Variants in FAT3 observed in about 807,000 individuals in gnomAD.
FAT3 encodes the protein protocadherin Fat 3.
FAT3 carries 95 observed loss-of-function variants against 310.2 expected under a neutral mutation model. The ratio of observed to expected loss-of-function variants is 0.31; its 90% CI spans 0.26 to 0.36. FAT3 has a LOEUF of 0.36. FAT3 is among the 10% of genes least tolerant of loss of function. The pLI is 1.00. For missense variants in FAT3, 5,408 were observed against 5,715.6 expected, an observed-to-expected ratio of 0.95 and a Z score of 1.74; for synonymous variants, 2,314 against 2,192.9, an observed-to-expected ratio of 1.06 and a Z score of -1.54.
At chr11:92,304,076 C>T (rs1346501128) in intron 1 of FAT3, among the ~76,000 whole-genome samples, 1 of 152,096 alleles carries the variant, frequency 6.6e-6, no homozygotes, top group South Asian at 2.1e-4. Context: ...TACTGTGTAA[C>T]CTTTCCATTA....
chr11:92,714,366 G>T (rs1421245996), intron 4 of FAT3, among the ~76,000 whole-genome samples: 1 of 152,104 alleles, frequency 6.6e-6, no homozygotes, highest in Admixed American at 6.5e-5. Context: ...TTGGAGCAAA[G>T]CCATTAGGTT....
intron 2 of FAT3, among the ~76,000 whole-genome samples, chr11:92,520,497 TA>T (rs1440558374): frequency 6.6e-6 from 1 of 152,048 alleles, no homozygotes; most frequent in Non-Finnish European, 1.5e-5. Flanking sequence ...CCTCAATTTT[TA>T]AAAAAAGTAA....
intron 2 of FAT3, among the ~76,000 whole-genome samples, chr11:92,411,337 A>G (rs1950263687): frequency 6.6e-6 from 1 of 151,716 alleles, no homozygotes; most frequent in South Asian, 2.1e-4. Context: ...AAAATCTAGT[A>G]GGGAATTATG....
At chr11:92,876,605 C>G (rs931603310) in intron 22 of FAT3, among the ~76,000 whole-genome samples, 1 of 152,102 alleles carries the variant, frequency 6.6e-6, no homozygotes, top group Non-Finnish European at 1.5e-5. Flanking sequence ...AGTCTCTTTC[C>G]CTCTGTGTTT....
intron 2 of FAT3, among the ~76,000 whole-genome samples, chr11:92,364,974 A>G (rs1565260806): frequency 1.3e-5 from 2 of 152,244 alleles, no homozygotes; most frequent in African/African-American, 2.4e-5. Context: ...GAATTAAAAT[A>G]AAAGGCCAAG....
chr11:92,332,297 C>T (rs1452944074), intron 1 of FAT3, among the ~76,000 whole-genome samples: 4 of 152,214 alleles, frequency 2.6e-5, no homozygotes, highest in Non-Finnish European at 5.9e-5. Context: ...TCCAGTTAAT[C>T]ATTAGAATTG....
chr11:92,757,688 A>G (rs988164354), intron 4 of FAT3, among the ~76,000 whole-genome samples: 3 of 152,214 alleles, frequency 2.0e-5, no homozygotes, highest in Non-Finnish European at 2.9e-5. Flanking sequence ...AGAAATAATA[A>G]TGAAAATTCA....
Position 92,401,942 on chromosome 11 carries a change from T to C in FAT3, c.3292+46538T>C, listed in dbSNP as rs568101318. ...GAACATGTCTGGCTTTCAACAAAAATTTACAAGGCATGCCAAAAGGCAAAG... is the reference window on the plus strand; with the variant it reads ...GAACATGTCTGGCTTTCAACAAAAACTTACAAGGCATGCCAAAAGGCAAAG... On this transcript the variant is annotated intron_variant, in intron 2 of 27. Coordinates refer to ENST00000525166, the MANE Select transcript of FAT3 (RefSeq NM_001367949.2). 2.6e-5 allele frequency among the ~76,000 whole-genome samples: 4 copies of C among 152,214 alleles called. No homozygotes were observed. The South Asian group carries it at 8.3e-4, about 32-fold the overall frequency.
rs1948621071 is a variant in FAT3 at position 92,353,286 on chromosome 11, G to C, written c.1174G>C (p.Gly392Arg). 6.2e-7 allele frequency: 1 copy of C among 1,613,620 alleles called. No homozygotes were observed. The highest frequency in any genetic ancestry group is 8.5e-7 in the Non-Finnish European group (1 of 1,179,794). Reference sequence around the variant, plus strand: ...GAGCATAAGTGAATTTTCCCCTCCTGGTGTCGTGGTTGCTATAGTAAAATT... The same window carrying C: ...GAGCATAAGTGAATTTTCCCCTCCTCGTGTCGTGGTTGCTATAGTAAAATT... Reference protein sequence around the residue: ...DVSISEFSPPGVVVAIVKLSP... With the variant: ...DVSISEFSPPRVVVAIVKLSP... Residue 392 changes from glycine to arginine, a missense_variant, in exon 2 of 28, where the codon GGT becomes CGT. Physicochemically the swap from Gly to Arg is moderately radical, Grantham distance 125. Around this residue, in one of 5 missense-constraint regions of FAT3, gnomAD observed 4,588 missense variants for 4,809.8 expected, o/e 0.95. Transcript: ENST00000525166.
rs1182531461 is a variant in FAT3, at chr11:92,352,497, G to T, written c.385G>T (p.Val129Leu). 4 of 1,612,870 alleles carry T rather than the reference G, an allele frequency of 2.5e-6. No individual in the cohort carries two copies. The highest frequency in any genetic ancestry group is 1.3e-5 in the African/African-American group (1 of 74,900). The change falls in exon 2 of 28, where the codon GTA becomes TTA. Residue 129 changes from valine to leucine, a missense_variant. This residue lies in a region of FAT3 where 152 missense variants were observed against 188.3 expected (regional missense o/e 0.81). Transcript: ENST00000525166. The stretch of plus-strand genomic sequence containing the variant: ...AATCCAGGATAATTATTTATTGATA[G>T]TAAAAGGTTCTGTCAGAGGAGAGGA... ...REIQDNYLLI[V>L]KGSVRGEDLE... is the part of the protein sequence containing the mutation.
intron 3 of FAT3, among the ~76,000 whole-genome samples, chr11:92,620,315 TA>T (rs1442274496): frequency 6.6e-6 from 1 of 152,196 alleles, no homozygotes; most frequent in East Asian, 1.9e-4. Flanking sequence ...TTGAGAAAAA[TA>T]CGTGCTCTGT....
intron 2 of FAT3, among the ~76,000 whole-genome samples, chr11:92,380,358 TG>T (rs1676261231): frequency 6.6e-6 from 1 of 152,140 alleles, no homozygotes; most frequent in African/African-American, 2.4e-5. Context: ...TAATCAGTTC[TG>T]TATGCCTGCC....
At chr11:92,551,414 T>TTTTGTGTG (rs139398937) in intron 3 of FAT3, among the ~76,000 whole-genome samples, 2 of 128,876 alleles carry the variant, frequency 1.6e-5, no homozygotes, top group African/African-American at 5.8e-5. Context: ...TTTTTTTGTT[T>TTTTGTGTG]TGTGTGTGTG....
At chr11:92,462,405 A>G (rs189585559) in intron 2 of FAT3, among the ~76,000 whole-genome samples, 2 of 152,156 alleles carry the variant, frequency 1.3e-5, no homozygotes, top group Non-Finnish European at 1.5e-5. Context: ...TCCCACTTCT[A>G]AGTGAGAACA....
chr11:92,561,533 C>G (rs1955226739), intron 3 of FAT3, among the ~76,000 whole-genome samples: 1 of 152,132 alleles, frequency 6.6e-6, no homozygotes, highest in African/African-American at 2.4e-5. Context: ...TGACTTCCTT[C>G]TTTCGTTTTC....
chr11:92,841,970 A>G (rs1948563581), intron 18 of FAT3, among the ~76,000 whole-genome samples: 1 of 152,116 alleles, frequency 6.6e-6, no homozygotes, highest in African/African-American at 2.4e-5. Context: ...CATTTCCCTT[A>G]GTCAGGGACC....
intron 3 of FAT3, among the ~76,000 whole-genome samples, chr11:92,626,475 T>A (rs984031112): frequency 3.3e-5 from 5 of 152,058 alleles, no homozygotes; most frequent in African/African-American, 1.2e-4. Flanking sequence ...GTATCTCTTT[T>A]TTTTTTTTTC....
chr11:92,280,057 A>G (rs1946382215), intron 1 of FAT3, among the ~76,000 whole-genome samples: 1 of 152,144 alleles, frequency 6.6e-6, no homozygotes, highest in African/African-American at 2.4e-5. Context: ...CTTTTCCTAC[A>G]AATCTAGTAT....
chr11:92,362,017 T>C (rs561765819), intron 2 of FAT3, among the ~76,000 whole-genome samples: 1 of 152,376 alleles, frequency 6.6e-6, no homozygotes, highest in African/African-American at 2.4e-5. Context: ...GATGGTCTCA[T>C]TCAGTCATCC....
Sources: gnomAD v4.1 joint callset for allele counts (sites outside exome capture counted in the v4.1 genomes callset) on GRCh38, gnomAD v4.1.1 for gene constraint, gnomAD v4.1.1 regional missense constraint, MANE v1.5 for transcripts, NCBI Gene and HGNC (gene_info 2026-07-23, HGNC 2026-07-21) for gene names.